BMPER: variants seen among roughly 807,000 people sequenced by gnomAD.
The protein encoded by BMPER is BMP binding endothelial regulator, also known as BMP-binding endothelial regulator protein.
Under a neutral mutation model 87.3 loss-of-function variants are expected in BMPER, and 45 were observed. The ratio of observed to expected loss-of-function variants is 0.52; its 90% CI spans 0.41 to 0.66. BMPER has a LOEUF of 0.66. Ranked by LOEUF, BMPER falls within the 30% of genes least tolerant of loss-of-function variation. The pLI is 0.00. For synonymous variants in BMPER, 326 were observed against 316.2 expected, an observed-to-expected ratio of 1.03 and a Z score of -0.33; for missense variants, 784 against 867.5, an observed-to-expected ratio of 0.90 and a Z score of 1.21.
intron 2 of BMPER, among the ~76,000 whole-genome samples, chr7:33,916,898 T>C (rs1784098708): frequency 6.6e-6 from 1 of 152,138 alleles, no homozygotes. Flanking sequence ...TTCCAAAACA[T>C]GATTCTCCCA....
intron 3 of BMPER, among the ~76,000 whole-genome samples, chr7:33,945,058 C>G (rs959507945): frequency 3.9e-5 from 6 of 151,966 alleles, no homozygotes; most frequent in African/African-American, 1.5e-4. Context: ...TCTCCTGCCT[C>G]AGCCTCCTGA....
intron 13 of BMPER, among the ~76,000 whole-genome samples, chr7:34,106,489 G>T (rs1789822023): frequency 6.6e-6 from 1 of 152,156 alleles, no homozygotes; most frequent in Admixed American, 6.5e-5. Flanking sequence ...ACAGGGCTCA[G>T]CCAGCATTGC....
intron 13 of BMPER, among the ~76,000 whole-genome samples, chr7:34,123,630 A>G (rs1403667205): frequency 6.6e-6 from 1 of 152,162 alleles, no homozygotes; most frequent in East Asian, 1.9e-4. Context: ...CTCCTGGATT[A>G]TAGTTTAACT....
At chr7:34,146,534 C>G (rs1050966649) in intron 14 of BMPER, among the ~76,000 whole-genome samples, 3 of 152,116 alleles carry the variant, frequency 2.0e-5, no homozygotes, top group Non-Finnish European at 4.4e-5. Context: ...ACTATTCACT[C>G]TTTTTAAGCA....
chr7:34,080,557 A>G (rs1788984997), intron 12 of BMPER, among the ~76,000 whole-genome samples: 1 of 152,136 alleles, frequency 6.6e-6, no homozygotes, highest in Non-Finnish European at 1.5e-5. Flanking sequence ...AAATTCACAC[A>G]CCTGCTCTTA....
chr7:34,097,627 A>C (rs1789564381), intron 13 of BMPER, among the ~76,000 whole-genome samples: 1 of 152,074 alleles, frequency 6.6e-6, no homozygotes, highest in African/African-American at 2.4e-5. Flanking sequence ...GGGGCTTGAA[A>C]ATTTGCATTT....
chr7:34,056,173 G>A (rs1372627716), intron 9 of BMPER, among the ~76,000 whole-genome samples: 2 of 152,190 alleles, frequency 1.3e-5, no homozygotes, highest in African/African-American at 4.8e-5. Flanking sequence ...TCACTTATAA[G>A]TGGGAGCCAA....
intron 6 of BMPER, among the ~76,000 whole-genome samples, chr7:33,998,453 C>T (rs112156429): frequency 0.031 from 4,694 of 152,282 alleles, 100 homozygotes; most frequent in Non-Finnish European, 0.047. Flanking sequence ...AATGTCAGAG[C>T]AGACTCTAAT....
rs996957554 is a variant in BMPER, at chr7:34,055,154, G to C, written c.787-9G>C. Reference sequence around the variant, plus strand: ...ATTTTTAATTTCTATTTTGCCTTTGGGCCCCCAGGACTCTACTGTGGTTTG... The same window carrying C: ...ATTTTTAATTTCTATTTTGCCTTTGCGCCCCCAGGACTCTACTGTGGTTTG... On this transcript the variant is annotated splice_polypyrimidine_tract_variant and intron_variant, in intron 8 of 14. Transcript: ENST00000649409. 1 of 1,614,072 alleles carries C rather than the reference G, an allele frequency of 6.2e-7. No homozygotes were observed. The highest frequency in any genetic ancestry group is 1.1e-5 in the South Asian group (1 of 91,074).
chr7:34,074,282 AG>A (rs1788807792), intron 11 of BMPER, among the ~76,000 whole-genome samples: 1 of 152,138 alleles, frequency 6.6e-6, no homozygotes, highest in Non-Finnish European at 1.5e-5. Context: ...CCCATTTAAG[AG>A]GCCAAGGAAG....
intron 6 of BMPER, among the ~76,000 whole-genome samples, chr7:33,985,094 TG>T (rs1219905998): frequency 4.6e-5 from 7 of 152,208 alleles, no homozygotes; most frequent in African/African-American, 7.2e-5. Flanking sequence ...TCTATTGACT[TG>T]TGAAAATAAA....
intron 13 of BMPER, among the ~76,000 whole-genome samples, chr7:34,135,724 T>C (rs1354771341): frequency 6.6e-6 from 1 of 152,074 alleles, no homozygotes; most frequent in Non-Finnish European, 1.5e-5. Flanking sequence ...TCATTTGGAG[T>C]TTGGTTCTTA....
At chr7:33,962,205 G>A (rs1785289333) in intron 3 of BMPER, among the ~76,000 whole-genome samples, 2 of 152,166 alleles carry the variant, frequency 1.3e-5, no homozygotes, top group Non-Finnish European at 2.9e-5. Context: ...ATTAATTTGT[G>A]CTCTTCCTGT....
Position 33,986,615 on chromosome 7 carries a change from A to G in BMPER, c.576+11831A>G, listed in dbSNP as rs181728368. Among the ~76,000 whole-genome samples the G allele has an allele frequency of 3.0e-4, 45 of 152,286 alleles. 1 individual carries two copies. The East Asian group carries it at 8.5e-3, about 29-fold the overall frequency. On this transcript the variant is annotated intron_variant, in intron 6 of 14. Transcript: ENST00000649409. ...AGAGGAAGAGGCTCCAACCACAACC[A>G]TTGCAAAAAGCTGGTAAGGAGACTT... is the stretch of plus-strand genomic sequence containing the variant.
chr7:34,115,795 C>G (rs536297788), intron 13 of BMPER, among the ~76,000 whole-genome samples: 1 of 152,064 alleles, frequency 6.6e-6, no homozygotes, highest in South Asian at 2.1e-4. Flanking sequence ...AAGAGTAATA[C>G]CGTGTACATG....
intron 6 of BMPER, among the ~76,000 whole-genome samples, chr7:33,976,439 C>T (rs1785690080): frequency 6.6e-6 from 1 of 152,118 alleles, no homozygotes; most frequent in East Asian, 1.9e-4. Context: ...AGGTGTGAGC[C>T]GCTATGCCTG....
At chr7:33,974,130 C>A (rs1195689406) in intron 5 of BMPER, among the ~76,000 whole-genome samples, 2 of 152,162 alleles carry the variant, frequency 1.3e-5, no homozygotes, top group East Asian at 3.9e-4. Flanking sequence ...TCTAGCTCTG[C>A]CACCTGCCAG....
At chr7:34,053,556 A>G (rs981936296) in intron 8 of BMPER, among the ~76,000 whole-genome samples, 4 of 152,232 alleles carry the variant, frequency 2.6e-5, no homozygotes, top group African/African-American at 9.6e-5. Flanking sequence ...CAATTAACAC[A>G]TATTTTGTAT....
At chr7:34,076,648 TG>T (rs1788873073) in intron 11 of BMPER, among the ~76,000 whole-genome samples, 1 of 152,196 alleles carries the variant, frequency 6.6e-6, no homozygotes. Context: ...TTTCTGATGA[TG>T]CATCCATGAT....
Sources: allele counts gnomAD v4.1 joint callset (sites outside exome capture counted in the v4.1 genomes callset), GRCh38; gene constraint gnomAD v4.1.1; transcripts MANE v1.5; gene names NCBI Gene and HGNC (gene_info 2026-07-23, HGNC 2026-07-21).